Variants in ACKR2 observed in about 807,000 individuals in gnomAD.
ACKR2 encodes C-C chemokine receptor D6.
For synonymous variants in ACKR2, 207 were observed against 192.2 expected (o/e 1.08, Z -0.64); for missense variants, 457 against 477.3 (o/e 0.96, Z 0.40).
Position 42,865,299 on chromosome 3 carries a change from A to G in ACKR2, c.797A>G (p.Tyr266Cys). The G allele has an allele frequency of 1.2e-6, 2 of 1,614,210 alleles. No homozygotes were observed. The highest frequency in any genetic ancestry group is 1.3e-5 in the African/African-American group (1 of 75,052). The part of the protein sequence containing the change: ...VVAFFVLWFP[Y>C]NLTLFLHTLL... ...GCCTTCTTCGTGCTATGGTTCCCAT[A>G]CAATCTCACCTTGTTTCTGCATACG... The change falls in exon 3 of 3, where the codon TAC becomes TGC. Residue 266 changes from tyrosine to cysteine, a missense_variant. Tyr to Cys is a radical substitution (Grantham distance 194, BLOSUM62 -2). Transcript: ENST00000422265.
intron 2 of ACKR2, among the ~76,000 whole-genome samples, chr3:42,860,163 G>GAAAAAAAAAAAAAAAAA (rs2088367013): frequency 4.1e-4 from 2 of 4,930 alleles, no homozygotes; most frequent in African/African-American, 7.1e-4. Context: ...CAAATGGAAA[G>GAAAAAAAAAAAAAAAAA]CAAAAAAAAA....
chr3:42,818,655 G>A (rs1416777655), intron 1 of ACKR2, among the ~76,000 whole-genome samples: 2 of 152,096 alleles, frequency 1.3e-5, no homozygotes, highest in African/African-American at 2.4e-5. Flanking sequence ...TCCATCTCTC[G>A]GGTTCAAGCA....
intron 2 of ACKR2, chr3:42,835,203 C>CTGTT (rs71072744): frequency 0.37 from 55,528 of 151,544 alleles, 11,082 homozygotes; most frequent in East Asian, 0.69. Flanking sequence ...TTTTCCTTCA[C>CTGTT]TGGGCATTTA....
chr3:42,849,155 T>C (rs1701126750), intron 2 of ACKR2, among the ~76,000 whole-genome samples: 1 of 152,186 alleles, frequency 6.6e-6, no homozygotes, highest in Non-Finnish European at 1.5e-5. Context: ...TCAATGTTAA[T>C]TTCCTTGTTT....
intron 2 of ACKR2, chr3:42,841,889 A>G (rs1401498691): frequency 2.0e-5 from 3 of 152,202 alleles, no homozygotes; most frequent in African/African-American, 4.8e-5. Flanking sequence ...AGGGGCCAGG[A>G]ACACCTAGTA....
chr3:42,821,169 C>T (rs551068688), intron 2 of ACKR2, among the ~76,000 whole-genome samples: 46 of 152,266 alleles, frequency 3.0e-4, no homozygotes, highest in Non-Finnish European at 5.4e-4. Context: ...AGATTACAGG[C>T]GTGAGCCACC....
At chr3:42,826,260 A>C (rs887905049) in intron 2 of ACKR2, among the ~76,000 whole-genome samples, 2 of 152,046 alleles carry the variant, frequency 1.3e-5, no homozygotes, top group African/African-American at 4.8e-5. Context: ...TCAGAGTAAT[A>C]CTGGACTCAT....
chr3:42,818,077 G>A (rs985205091), intron 1 of ACKR2, among the ~76,000 whole-genome samples: 5 of 151,936 alleles, frequency 3.3e-5, no homozygotes, highest in African/African-American at 1.2e-4. Flanking sequence ...TCTCTCCTCT[G>A]TCTGCCACAC....
rs142416155 is a variant in ACKR2 at position 42,865,379 on chromosome 3, G to T, written c.877G>T (p.Ala293Ser). The T allele has an allele frequency of 6.2e-7, 1 of 1,614,106 alleles. No individual in the cohort carries two copies. Among genetic ancestry groups the T allele is most frequent in the Non-Finnish European group, 8.5e-7 (1 of 1,180,028 alleles). Reference protein sequence around the residue: ...NCEVSQHLDYALQVTESIAFL... With the variant: ...NCEVSQHLDYSLQVTESIAFL... ...TGAGGTCAGCCAGCATCTAGACTAC[G>T]CACTCCAGGTAACAGAGAGCATCGC... The change falls in exon 3 of 3, where the codon GCA (alanine) becomes TCA (serine). Residue 293 changes from alanine to serine, a missense_variant. Transcript: ENST00000422265.
At chr3:42,816,073 A>G (rs931828434) in intron 1 of ACKR2, among the ~76,000 whole-genome samples, 9 of 152,120 alleles carry the variant, frequency 5.9e-5, no homozygotes, top group Admixed American at 5.2e-4. Flanking sequence ...TAAAACCCCA[A>G]CATTAACTGG....
intron 2 of ACKR2, among the ~76,000 whole-genome samples, chr3:42,830,218 A>AT (rs1316998555): frequency 6.6e-6 from 1 of 152,156 alleles, no homozygotes; most frequent in Non-Finnish European, 1.5e-5. Context: ...CAAAGGAAGT[A>AT]TGTCTAAGGA....
rs184133443 is a variant in ACKR2, at chr3:42,864,779, C to A, written c.277C>A (p.Leu93Ile). Residue 93 changes from leucine to isoleucine, a missense_variant, in exon 3 of 3, where the codon CTT (leucine) becomes ATT (isoleucine). Leu to Ile is a conservative substitution (Grantham distance 5). Transcript: ENST00000422265. ...IYLLNLAISN[L>I]LFLVTLPFWG... Reference sequence around the variant, plus strand: ...TCTGCTGAATCTGGCCATCTCCAACCTTCTGTTTCTGGTGACACTGCCCTT... The same window carrying A: ...TCTGCTGAATCTGGCCATCTCCAACATTCTGTTTCTGGTGACACTGCCCTT... 190 of 1,614,224 alleles carry A rather than the reference C, an allele frequency of 1.2e-4. 2 individuals carry two copies. The East Asian group carries it at 4.2e-3, about 36-fold the overall frequency.
intron 2 of ACKR2, among the ~76,000 whole-genome samples, chr3:42,827,375 A>G (rs1412566919): frequency 6.6e-6 from 1 of 152,238 alleles, no homozygotes; most frequent in African/African-American, 2.4e-5. Flanking sequence ...GCCAACACCT[A>G]TAACTGTATT....
chr3:42,814,474 G>T, intron 1 of ACKR2, among the ~76,000 whole-genome samples: 1 of 152,258 alleles, frequency 6.6e-6, no homozygotes. Context: ...TCTTCCATAG[G>T]AGAAACAGGC....
At chr3:42,827,971 A>G (rs1336195638) in intron 2 of ACKR2, among the ~76,000 whole-genome samples, 3 of 152,076 alleles carry the variant, frequency 2.0e-5, no homozygotes, top group Non-Finnish European at 4.4e-5. Context: ...TCTCCATAAA[A>G]TAAACCATAA....
intron 2 of ACKR2, among the ~76,000 whole-genome samples, chr3:42,822,241 C>G (rs1700815727): frequency 6.6e-6 from 1 of 151,860 alleles, no homozygotes; most frequent in Non-Finnish European, 1.5e-5. Flanking sequence ...GTGGCTTTAT[C>G]TGAACAGTAG....
At chr3:42,835,438 G>A (rs938239735) in intron 2 of ACKR2, 1 of 151,820 alleles carries the variant, frequency 6.6e-6, no homozygotes, top group African/African-American at 2.4e-5. Flanking sequence ...CTGTTCATCT[G>A]CCTATCTCAG....
intron 2 of ACKR2, among the ~76,000 whole-genome samples, chr3:42,853,727 G>A (rs1374882460): frequency 1.3e-5 from 2 of 152,100 alleles, no homozygotes; most frequent in Admixed American, 6.6e-5. Flanking sequence ...GCTAATAATA[G>A]TATTTACTTC....
At chr3:42,836,700 G>A (rs572851925) in intron 2 of ACKR2, among the ~76,000 whole-genome samples, 4 of 152,290 alleles carry the variant, frequency 2.6e-5, no homozygotes, top group African/African-American at 7.2e-5. Flanking sequence ...AAAGCCCTGC[G>A]ACAGTTTTAG....
Sources: gnomAD v4.1 joint callset for allele counts (sites outside exome capture counted in the v4.1 genomes callset) on GRCh38, gnomAD v4.1.1 for gene constraint, MANE v1.5 for transcripts, NCBI Gene and HGNC (gene_info 2026-07-23, HGNC 2026-07-21) for gene names.